The following NLGN1 variants were observed in gnomAD, a reference collection of about 807,000 sequenced individuals.
NLGN1 encodes neuroligin-1.
Under a neutral mutation model 65.5 loss-of-function variants are expected in NLGN1, and 12 were observed. That is an observed-to-expected ratio of 0.18 (90% CI 0.12 to 0.30). The LOEUF (loss-of-function observed/expected upper bound fraction) is 0.30. Ranked by LOEUF, NLGN1 falls within the 10% of genes least tolerant of loss-of-function variation. The pLI, the probability that NLGN1 is intolerant of heterozygous loss-of-function variation, is 1.00. For synonymous variants in NLGN1, 350 were observed against 359.5 expected, an observed-to-expected ratio of 0.97 and a Z score of 0.30; for missense variants, 750 against 1,007.1, an observed-to-expected ratio of 0.74 and a Z score of 3.46.
chr3:173,570,162 A>ACTT lies in NLGN1; in HGVS notation c.-320-34117_-320-34116insCTT, dbSNP rs1744411593. 9.2e-5 allele frequency among the ~76,000 whole-genome samples: 14 copies of ACTT among 152,314 alleles called. No individual in the cohort carries two copies. In the South Asian group the frequency reaches 2.9e-3, roughly 32 times the overall value. On this transcript the variant is annotated intron_variant, in intron 2 of 6. Transcript: ENST00000457714. Reference sequence around the variant, plus strand: ...GGATAGATTGTATCTCTGAAGGGTTAATAGAGGCAGTGCTGACTAAAGTAA... The same window carrying ACTT: ...GGATAGATTGTATCTCTGAAGGGTTACTTATAGAGGCAGTGCTGACTAAAGTAA...
chr3:173,880,563 AG>A (rs1280149034), intron 4 of NLGN1, among the ~76,000 whole-genome samples: 1 of 151,106 alleles, frequency 6.6e-6, no homozygotes, highest in Non-Finnish European at 1.5e-5. Flanking sequence ...GTACAATATA[AG>A]TATGTTTAAA....
At chr3:173,835,282 A>G (rs754402118) in intron 4 of NLGN1, among the ~76,000 whole-genome samples, 1 of 152,146 alleles carries the variant, frequency 6.6e-6, no homozygotes, top group Non-Finnish European at 1.5e-5. Flanking sequence ...ATCATATAAG[A>G]AATAATAATT....
chr3:173,562,081 G>A (rs1202212459), intron 2 of NLGN1, among the ~76,000 whole-genome samples: 1 of 152,092 alleles, frequency 6.6e-6, no homozygotes, highest in Admixed American at 6.5e-5. Context: ...TAGACAGCAA[G>A]AATAACGTGA....
At chr3:174,200,465 A>G (rs1007284014) in intron 4 of NLGN1, among the ~76,000 whole-genome samples, 13 of 152,170 alleles carry the variant, frequency 8.5e-5, no homozygotes, top group Admixed American at 1.3e-4. Context: ...CTTACTGTGC[A>G]TGAAGCTCTT....
chr3:174,228,086 C>A (rs1004490956), intron 4 of NLGN1, among the ~76,000 whole-genome samples: 2 of 151,414 alleles, frequency 1.3e-5, no homozygotes, highest in Non-Finnish European at 3.0e-5. Context: ...TTTTTTTTTA[C>A]ATTGAAATTG....
chr3:174,016,317 C>G (rs291919), intron 4 of NLGN1, among the ~76,000 whole-genome samples: 145,177 of 152,296 alleles, frequency 0.95, 69,286 homozygotes, highest in East Asian at 1. Flanking sequence ...ATGGGCCAGA[C>G]TCTAAAAGTA....
At chr3:173,598,265 C>G (rs551571206) in intron 2 of NLGN1, among the ~76,000 whole-genome samples, 1 of 152,254 alleles carries the variant, frequency 6.6e-6, no homozygotes, top group African/African-American at 2.4e-5. Context: ...GCACTACAGA[C>G]CAATCTACCT....
chr3:173,412,770 C>T (rs1436080617), intron 1 of NLGN1, among the ~76,000 whole-genome samples: 1 of 152,222 alleles, frequency 6.6e-6, no homozygotes, highest in African/African-American at 2.4e-5. Flanking sequence ...CTCCACCCCA[C>T]TTTGACAGCA....
chr3:174,120,692 G>A (rs1372742595), intron 4 of NLGN1, among the ~76,000 whole-genome samples: 1 of 151,980 alleles, frequency 6.6e-6, no homozygotes, highest in Non-Finnish European at 1.5e-5. Flanking sequence ...GATATGACGT[G>A]GTCATACTTG....
At chr3:173,642,244 A>G (rs141570615) in intron 3 of NLGN1, among the ~76,000 whole-genome samples, 1 of 152,324 alleles carries the variant, frequency 6.6e-6, no homozygotes, top group African/African-American at 2.4e-5. Context: ...GAGAAACAAA[A>G]AAACAGGCAA....
intron 4 of NLGN1, among the ~76,000 whole-genome samples, chr3:173,972,455 T>G (rs146909940): frequency 4.6e-5 from 7 of 152,266 alleles, no homozygotes; most frequent in African/African-American, 1.7e-4. Flanking sequence ...AAATCACACT[T>G]ATTTGGCATT....
chr3:173,927,531 C>G (rs1269309301), intron 4 of NLGN1, among the ~76,000 whole-genome samples: 1 of 152,130 alleles, frequency 6.6e-6, no homozygotes, highest in Non-Finnish European at 1.5e-5. Flanking sequence ...TTCCTGGCTA[C>G]TATACACTTC....
intron 4 of NLGN1, among the ~76,000 whole-genome samples, chr3:174,254,838 G>A (rs11717751): frequency 0.22 from 34,064 of 152,014 alleles, 4,095 homozygotes; most frequent in East Asian, 0.52. Flanking sequence ...TAAACACAGT[G>A]TAGTCTAACT....
At chr3:173,707,942 T>C (rs1768303879) in intron 3 of NLGN1, among the ~76,000 whole-genome samples, 2 of 152,214 alleles carry the variant, frequency 1.3e-5, no homozygotes, top group Non-Finnish European at 2.9e-5. Flanking sequence ...TGTAATTTGT[T>C]ATTGGTTCAA....
At chr3:173,950,246 G>A (rs1747941951) in intron 4 of NLGN1, among the ~76,000 whole-genome samples, 1 of 152,064 alleles carries the variant, frequency 6.6e-6, no homozygotes, top group Admixed American at 6.6e-5. Flanking sequence ...ATTCAGCCAA[G>A]TTTGTTTTAG....
At chr3:173,416,765 G>C (rs1040177131) in intron 1 of NLGN1, among the ~76,000 whole-genome samples, 6 of 152,124 alleles carry the variant, frequency 3.9e-5, no homozygotes, top group Admixed American at 3.9e-4. Context: ...AATTTGATAT[G>C]ATTAAATGGA....
chr3:174,268,539 C>G (rs1748717075), intron 4 of NLGN1, among the ~76,000 whole-genome samples: 1 of 151,946 alleles, frequency 6.6e-6, no homozygotes, highest in Admixed American at 6.6e-5. Flanking sequence ...GCCCTTTTTT[C>G]TAACCATTAC....
intron 2 of NLGN1, among the ~76,000 whole-genome samples, chr3:173,449,888 T>C (rs1450551931): frequency 6.6e-6 from 1 of 152,202 alleles, no homozygotes; most frequent in African/African-American, 2.4e-5. Context: ...TTGCAACCCC[T>C]GCCTTTTTTT....
intron 3 of NLGN1, among the ~76,000 whole-genome samples, chr3:173,637,743 G>A (rs1311348575): frequency 3.9e-5 from 6 of 152,170 alleles, no homozygotes; most frequent in Admixed American, 1.3e-4. Context: ...CCAATGGGAA[G>A]TTGCATGGGC....
Sources: allele counts gnomAD v4.1 joint callset (sites outside exome capture counted in the v4.1 genomes callset), GRCh38; gene constraint gnomAD v4.1.1; transcripts MANE v1.5; gene names NCBI Gene and HGNC (gene_info 2026-07-23, HGNC 2026-07-21).